The following BTBD9 variants were observed in gnomAD, a reference collection of about 807,000 sequenced individuals.
BTBD9 encodes BTB/POZ domain-containing protein 9.
A neutral mutation model predicts 64.3 loss-of-function variants in BTBD9; 49 were observed. The ratio of observed to expected loss-of-function variants is 0.76; its 90% CI spans 0.61 to 0.97. BTBD9 has a LOEUF of 0.97. Among genes scored for constraint, BTBD9 ranks in the 50% least tolerant of loss-of-function variants. The pLI, the probability that BTBD9 is intolerant of heterozygous loss-of-function variation, is 0.00. For missense variants in BTBD9, 598 were observed against 762.1 expected (o/e 0.78, Z 2.53); for synonymous variants, 260 against 274.7 (o/e 0.95, Z 0.53).
At chr6:38,386,580 T>G (rs958898130) in intron 6 of BTBD9, among the ~76,000 whole-genome samples, 1 of 151,596 alleles carries the variant, frequency 6.6e-6, no homozygotes, top group Non-Finnish European at 1.5e-5. Flanking sequence ...AATATAAATG[T>G]AGTAAAATTA....
chr6:38,388,865 G>T (rs772815904), intron 6 of BTBD9, among the ~76,000 whole-genome samples: 3 of 152,252 alleles, frequency 2.0e-5, no homozygotes, highest in Non-Finnish European at 4.4e-5. Flanking sequence ...TTTAAAAAGA[G>T]GTTAACAAAT....
rs113430142 is a variant in BTBD9 at position 38,194,715 on chromosome 6, G to A, written c.1563-2118C>T. Among the ~76,000 whole-genome samples, 624 of 152,172 alleles carry A rather than the reference G, an allele frequency of 4.1e-3. 2 individuals carry two copies. Among genetic ancestry groups the A allele is most frequent in the African/African-American group, 0.014 (592 of 41,530 alleles). ...AGGCAGTGAGGTCTCGCTGGGAGCC[G>A]TCCTGGGCAGAGCTGGCCTGAACCT... On this transcript the variant is annotated intron_variant, in intron 9 of 10. Transcript: ENST00000481247.
rs138810649 is a variant in BTBD9 at position 38,230,357 on chromosome 6, T to C, written c.1562+26052A>G. Among the ~76,000 whole-genome samples, 1,144 of 152,130 alleles carry C rather than the reference T, an allele frequency of 7.5e-3. 16 individuals carry two copies. Among genetic ancestry groups the C allele is most frequent in the African/African-American group, 0.024 (981 of 41,502 alleles). ...CTAAAAATAGAAAATTAGCTGGGCA[T>C]GGTGGCAGGTTCCTATAGTCCCAGC... On this transcript the variant is annotated intron_variant, in intron 9 of 10. Transcript: ENST00000481247.
intron 7 of BTBD9, among the ~76,000 whole-genome samples, chr6:38,310,312 G>A (rs1562006671): frequency 1.3e-5 from 2 of 152,032 alleles, no homozygotes; most frequent in Non-Finnish European, 2.9e-5. Context: ...TGTGAAGGAC[G>A]CCTCCTGAGC....
intron 7 of BTBD9, among the ~76,000 whole-genome samples, chr6:38,303,874 T>TATATATATAA (rs368257334): frequency 3.6e-5 from 3 of 82,648 alleles, no homozygotes; most frequent in Non-Finnish European, 7.0e-5. Context: ...TATATATATA[T>TATATATATAA]ACACACACAC....
At chr6:38,526,948 G>A (rs1289662408) in intron 6 of BTBD9, among the ~76,000 whole-genome samples, 1 of 152,086 alleles carries the variant, frequency 6.6e-6, no homozygotes, top group Non-Finnish European at 1.5e-5. Flanking sequence ...TTAAGACTTT[G>A]GGGGACTGTT....
intron 6 of BTBD9, among the ~76,000 whole-genome samples, chr6:38,570,702 G>C (rs1417939452): frequency 1.3e-5 from 2 of 152,108 alleles, no homozygotes; most frequent in African/African-American, 4.8e-5. Flanking sequence ...CTGAATAGCT[G>C]GACTACAGAA....
At chr6:38,363,213 A>G (rs1765042564) in intron 6 of BTBD9, among the ~76,000 whole-genome samples, 1 of 152,120 alleles carries the variant, frequency 6.6e-6, no homozygotes, top group Non-Finnish European at 1.5e-5. Context: ...TTCAGCCTCC[A>G]GCATAGCTGG....
At chr6:38,313,158 T>C (rs1442546574) in intron 7 of BTBD9, among the ~76,000 whole-genome samples, 1 of 152,210 alleles carries the variant, frequency 6.6e-6, no homozygotes, top group Admixed American at 6.5e-5. Flanking sequence ...TTTGTAGCTA[T>C]TGTAAATAAG....
intron 7 of BTBD9, among the ~76,000 whole-genome samples, chr6:38,332,493 G>A (rs1055420431): frequency 2.6e-5 from 4 of 152,068 alleles, no homozygotes; most frequent in Admixed American, 2.6e-4. Context: ...TTGGATGATT[G>A]CTTTATTTAT....
chr6:38,385,749 A>AT (rs1466644401), intron 6 of BTBD9, among the ~76,000 whole-genome samples: 10 of 151,258 alleles, frequency 6.6e-5, no homozygotes, highest in African/African-American at 2.4e-4. Context: ...GCCTACAAAA[A>AT]TTTTTTAAAA....
At chr6:38,522,831 G>A (rs1280127337) in intron 6 of BTBD9, among the ~76,000 whole-genome samples, 7 of 152,108 alleles carry the variant, frequency 4.6e-5, no homozygotes, top group Admixed American at 2.0e-4. Context: ...TTTTCCCTCT[G>A]TAGTGAAAGA....
At chr6:38,612,327 C>G (rs1312340347) in intron 1 of BTBD9, among the ~76,000 whole-genome samples, 1 of 152,134 alleles carries the variant, frequency 6.6e-6, no homozygotes, top group East Asian at 1.9e-4. Context: ...CTGGTAAAGG[C>G]CTATTCTGAG....
At chr6:38,558,438 A>T (rs1775120375) in intron 6 of BTBD9, among the ~76,000 whole-genome samples, 1 of 152,164 alleles carries the variant, frequency 6.6e-6, no homozygotes, top group African/African-American at 2.4e-5. Context: ...ACTATGTTGA[A>T]TAGGCGTGGT....
chr6:38,594,162 A>G lies in BTBD9; in HGVS notation c.351T>C (p.Ala117=). 1 of 1,614,212 alleles carries G rather than the reference A, an allele frequency of 6.2e-7. No homozygotes were observed. Among genetic ancestry groups the G allele is most frequent in the Admixed American group, 1.7e-5 (1 of 60,030 alleles). Residue 117 remains alanine (A), a synonymous_variant, in exon 3 of 11, where the codon GCT becomes GCC. Transcript: ENST00000481247. The stretch of plus-strand genomic sequence containing the variant: ...CTAGCTCTGGAAATCCATATTTATG[A>G]GCCAGGCTCAAAAAGTCCAGCAGCA... The part of the protein sequence containing the change: ...EEVLLDFLSL[A]HKYGFPELED...
intron 1 of BTBD9, among the ~76,000 whole-genome samples, chr6:38,628,491 T>A (rs1218540443): frequency 6.6e-6 from 1 of 152,152 alleles, no homozygotes; most frequent in Non-Finnish European, 1.5e-5. Flanking sequence ...AAATATGTTG[T>A]CAATAAAGGG....
chr6:38,182,117 C>T (rs1487173828), intron 10 of BTBD9, among the ~76,000 whole-genome samples: 1 of 152,154 alleles, frequency 6.6e-6, no homozygotes, highest in East Asian at 1.9e-4. Flanking sequence ...TATTTTTGCA[C>T]TAAGTATGGA....
intron 7 of BTBD9, among the ~76,000 whole-genome samples, chr6:38,332,540 T>A (rs999980311): frequency 2.6e-5 from 4 of 152,228 alleles, no homozygotes; most frequent in Admixed American, 2.0e-4. Flanking sequence ...CACATTACTA[T>A]GCAGCACTAA....
At chr6:38,302,251 C>A (rs937724244) in intron 7 of BTBD9, among the ~76,000 whole-genome samples, 1 of 152,014 alleles carries the variant, frequency 6.6e-6, no homozygotes, top group Middle Eastern at 3.4e-3. Context: ...TAACTCTGTA[C>A]CAGCTGACCA....
Sources: gnomAD v4.1 joint callset for allele counts (sites outside exome capture counted in the v4.1 genomes callset) on GRCh38, gnomAD v4.1.1 for gene constraint, MANE v1.5 for transcripts, NCBI Gene and HGNC (gene_info 2026-07-23, HGNC 2026-07-21) for gene names.